Variants in AMMECR1 observed in about 807,000 individuals in gnomAD.
AMMECR1 encodes the protein AMMECR nuclear protein 1, also known as nuclear protein AMMECR1.
AMMECR1 carries 3 observed loss-of-function variants against 22.5 expected under a neutral mutation model. The observed-to-expected ratio is 0.13, with a 90% confidence interval of 0.06 to 0.35. The LOEUF (loss-of-function observed/expected upper bound fraction) is 0.35, where lower values mean the gene tolerates loss of function less well. AMMECR1 is among the 10% of genes least tolerant of loss of function. The pLI, the probability that AMMECR1 is intolerant of heterozygous loss-of-function variation, is 1.00. For synonymous variants in AMMECR1, 130 were observed against 116.7 expected (o/e 1.11, Z -0.74); for missense variants, 235 against 278.7 (o/e 0.84, Z 1.12).
chrX:110,240,390 A>C (rs1356203932), intron 2 of AMMECR1, among the ~76,000 whole-genome samples: 1 of 98,137 alleles, frequency 1.0e-5, no homozygotes, highest in Non-Finnish European at 2.0e-5. Context: ...AAGCAAAAAA[A>C]AAAAAACAAA....
At chrX:110,253,468 C>A (rs1047514881) in intron 2 of AMMECR1, among the ~76,000 whole-genome samples, 1 of 112,510 alleles carries the variant, frequency 8.9e-6, no homozygotes, top group African/African-American at 3.2e-5. Flanking sequence ...GCTACCACAC[C>A]TTAGTGAGCT....
intron 2 of AMMECR1, among the ~76,000 whole-genome samples, chrX:110,364,910 C>G (rs965407919): frequency 8.9e-6 from 1 of 112,081 alleles, no homozygotes; most frequent in Non-Finnish European, 1.9e-5. Flanking sequence ...GTTCCTGAGC[C>G]TCAGCTCCCT....
At chrX:110,257,062 T>A (rs895261307) in intron 2 of AMMECR1, among the ~76,000 whole-genome samples, 3 of 111,847 alleles carry the variant, frequency 2.7e-5, no homozygotes, top group African/African-American at 9.7e-5. Flanking sequence ...TAGACACTTA[T>A]AAGTAAGCCC....
intron 2 of AMMECR1, among the ~76,000 whole-genome samples, chrX:110,424,370 C>T (rs2068739743): frequency 9.0e-6 from 1 of 111,717 alleles, no homozygotes; most frequent in South Asian, 3.8e-4. Context: ...TCTATTTATC[C>T]AGAACTGCAT....
rs771838733 is a variant in AMMECR1, at chrX:110,428,880, A to G, written c.-293-2077T>C. Among the ~76,000 whole-genome samples, 5 of 112,469 alleles carry G rather than the reference A, an allele frequency of 4.4e-5. No individual in the cohort carries two copies. In the East Asian group the frequency reaches 1.4e-3, roughly 31 times the overall value. ...CAAGATAGCAGCAAAGGAGAGCATT[A>G]AACCAAGCATAGGGCTCTTCTGACT... On this transcript the variant is annotated intron_variant, in intron 1 of 7. Transcript: ENST00000372057.
At position 110,410,950 on chromosome X, in the gene AMMECR1, C is replaced by T. The variant is rs1440579217; in HGVS notation, c.-148+15708G>A. Among the ~76,000 whole-genome samples the T allele has an allele frequency of 3.6e-5, 4 of 112,346 alleles. No homozygotes were observed. The East Asian group carries it at 1.1e-3, about 31-fold the overall frequency. On this transcript the variant is annotated intron_variant, in intron 2 of 7. Coordinates refer to the AMMECR1 transcript ENST00000372057. ...AAATCTCTTTATTTAAAATTAGGCA[C>T]TTCCTATTTTGGTTCCTAAATGGCA... is the stretch of plus-strand genomic sequence containing the variant.
At chrX:110,361,389 TCTC>T (rs773340432) in intron 2 of AMMECR1, among the ~76,000 whole-genome samples, 360 of 111,651 alleles carry the variant, frequency 3.2e-3, no homozygotes, top group African/African-American at 0.011. Flanking sequence ...TCTCAACTGT[TCTC>T]CTTGCTTCTG....
chrX:110,382,881 A>C (rs41482749), intron 2 of AMMECR1, among the ~76,000 whole-genome samples: 18,533 of 111,229 alleles, frequency 0.17, 2,842 homozygotes, highest in African/African-American at 0.49. Context: ...ATTGAGGCTT[A>C]GATCTGCCCC....
rs1216565129 is a variant in AMMECR1 at position 110,415,626 on chromosome X, G to A, written c.-148+11032C>T. Among the ~76,000 whole-genome samples, 3 of 111,052 alleles carry A rather than the reference G, an allele frequency of 2.7e-5. No homozygotes were observed. In the Admixed American group the frequency reaches 2.9e-4, roughly 11 times the overall value. Reference sequence around the variant, plus strand: ...GACTCATTCTGACTCAGGTTTGCATGGTCAGGAATCTTGCCAATTACGTTG... The same window carrying A: ...GACTCATTCTGACTCAGGTTTGCATAGTCAGGAATCTTGCCAATTACGTTG... On this transcript the variant is annotated intron_variant, in intron 2 of 7. Coordinates refer to the AMMECR1 transcript ENST00000372057.
Position 110,297,048 on chromosome X carries a change from C to G in AMMECR1, c.473+20551G>C, listed in dbSNP as rs192192878. Among the ~76,000 whole-genome samples the G allele has an allele frequency of 3.9e-4, 44 of 111,842 alleles. No homozygotes were observed. In the East Asian group the frequency reaches 0.011, roughly 27 times the overall value. On this transcript the variant is annotated intron_variant, in intron 1 of 5. Transcript: ENST00000262844. Reference sequence around the variant, plus strand: ...TTGTTTGTTTAGTGACTTTCCCGGACTAGTTCTGTAAAGCCTATATTCCCT... The same window carrying G: ...TTGTTTGTTTAGTGACTTTCCCGGAGTAGTTCTGTAAAGCCTATATTCCCT...
rs748341456 is a variant in AMMECR1, at chrX:110,279,274, CCT to C, written c.474-14677_474-14676del. 1.4e-3 allele frequency among the ~76,000 whole-genome samples: 156 copies of C among 112,053 alleles called. 1 individual carries two copies. Among genetic ancestry groups the C allele is most frequent in the South Asian group, 2.6e-3 (7 of 2,713 alleles). ...CCAATGCAAACATACCACAGAAACA[CCT>C]GTTTCAAAAAAATGAAACAGAATAA... On this transcript the variant is annotated intron_variant, in intron 1 of 5. Coordinates refer to ENST00000262844, the MANE Select transcript of AMMECR1 (RefSeq NM_015365.3).
intron 2 of AMMECR1, among the ~76,000 whole-genome samples, chrX:110,324,539 T>A (rs1311663733): frequency 2.7e-5 from 3 of 111,098 alleles, no homozygotes; most frequent in African/African-American, 9.8e-5. Flanking sequence ...ATTCCAGATA[T>A]AATGGGGAAA....
chrX:110,197,572 A>ACTTTATT lies in AMMECR1; in HGVS notation c.*947_*948insAATAAAG, dbSNP rs1197673256. On this transcript the variant is annotated 3_prime_UTR_variant, in exon 6 of 6. Transcript: ENST00000262844. ...CTTCTGTTTCACATATAGAAACAATAAAGTTTTACAAGAATATTTTTCTAA... is the reference window on the plus strand; with the variant it reads ...CTTCTGTTTCACATATAGAAACAATACTTTATTAAGTTTTACAAGAATATTTTTCTAA... 3 of 112,156 alleles carry ACTTTATT rather than the reference A, an allele frequency of 2.7e-5. No homozygotes were observed. Among genetic ancestry groups the ACTTTATT allele is most frequent in the Non-Finnish European group, 5.6e-5 (3 of 53,118 alleles). 9.2% of individuals were successfully genotyped at this position (112,156 alleles called of 1,213,427 possible).
intron 2 of AMMECR1, among the ~76,000 whole-genome samples, chrX:110,229,881 G>A (rs922246381): frequency 8.9e-6 from 1 of 112,778 alleles, no homozygotes; most frequent in East Asian, 2.8e-4. Flanking sequence ...CAGCTCCCAC[G>A]CCCACGGAGC....
At chrX:110,374,280 TATTTCTGTA>T (rs764885260) in intron 2 of AMMECR1, among the ~76,000 whole-genome samples, 1 of 110,716 alleles carries the variant, frequency 9.0e-6, no homozygotes, top group East Asian at 2.8e-4. Flanking sequence ...TGTTGCAAAA[TATTTCTGTA>T]GAATAGATTC....
At chrX:110,385,199 T>C (rs139608199) in intron 2 of AMMECR1, among the ~76,000 whole-genome samples, 168 of 111,314 alleles carry the variant, frequency 1.5e-3, no homozygotes, top group South Asian at 3.5e-3. Context: ...ATCTATCAAA[T>C]AGAAACAATA....
intron 2 of AMMECR1, among the ~76,000 whole-genome samples, chrX:110,405,746 G>A (rs918178683): frequency 4.5e-5 from 5 of 111,233 alleles, no homozygotes; most frequent in Admixed American, 3.8e-4. Flanking sequence ...AGGAGGAAAC[G>A]GGCCCAAAGA....
Position 110,433,833 on chromosome X carries a change from T to C in AMMECR1, c.-294+6057A>G, listed in dbSNP as rs530629498. Among the ~76,000 whole-genome samples, 50 of 112,585 alleles carry C rather than the reference T, an allele frequency of 4.4e-4. No individual in the cohort carries two copies. The Admixed American group carries it at 4.7e-3, about 11-fold the overall frequency. ...TAACTACAGGACTTAGCAACTATTA[T>C]TTTTATTTCCAGTTTACAAATGAGG... On this transcript the variant is annotated intron_variant, in intron 1 of 7. Transcript: ENST00000372057.
upstream of AMMECR1, among the ~76,000 whole-genome samples, chrX:110,318,466 G>T (rs2068065329): frequency 1.8e-5 from 2 of 110,968 alleles, no homozygotes; most frequent in Non-Finnish European, 3.8e-5. Context: ...CGCCCGGGAA[G>T]GAAGGAGGGA....
Sources: allele counts gnomAD v4.1 joint callset (sites outside exome capture counted in the v4.1 genomes callset), GRCh38; gene constraint gnomAD v4.1.1; transcripts MANE v1.5; gene names NCBI Gene and HGNC (gene_info 2026-07-23, HGNC 2026-07-21).